RGS21: variants seen among roughly 807,000 people sequenced by gnomAD.
The protein encoded by RGS21 is regulator of G-protein signalling 21.
In RGS21, 19 loss-of-function variants were observed where a neutral mutation model predicts 18.7. That is an observed-to-expected ratio of 1.01 (90% CI 0.71 to 1.49). The LOEUF (loss-of-function observed/expected upper bound fraction) is 1.49. Ranked by LOEUF, RGS21 falls within the 40% of genes most tolerant of loss-of-function variation. The pLI is 0.00. For synonymous variants in RGS21, 56 were observed against 57.8 expected (o/e 0.97, Z 0.14); for missense variants, 194 against 176.8 (o/e 1.10, Z -0.55).
intron 1 of RGS21, among the ~76,000 whole-genome samples, chr1:192,331,074 T>A (rs1386936289): frequency 6.6e-6 from 1 of 152,182 alleles, no homozygotes; most frequent in Non-Finnish European, 1.5e-5. Flanking sequence ...ATGGCTCTAC[T>A]CAACTAGACT....
At position 192,356,128 on chromosome 1, in the gene RGS21, C is replaced by T. The variant is rs539345763; in HGVS notation, c.255+3915C>T. Among the ~76,000 whole-genome samples, 5 of 151,836 alleles carry T rather than the reference C, an allele frequency of 3.3e-5. No individual in the cohort carries two copies. In the East Asian group the frequency reaches 7.7e-4, roughly 23 times the overall value. Reference sequence around the variant, plus strand: ...ACAAAGAAGAAATTATAGTCATAAACGAGAGTACATCTTCACGGGTCCGTG... The same window carrying T: ...ACAAAGAAGAAATTATAGTCATAAATGAGAGTACATCTTCACGGGTCCGTG... On this transcript the variant is annotated intron_variant, in intron 4 of 4. Coordinates refer to ENST00000417209, the MANE Select transcript of RGS21 (RefSeq NM_001039152.3).
chr1:192,325,125 G>A (rs756194040), intron 1 of RGS21, among the ~76,000 whole-genome samples: 1 of 151,942 alleles, frequency 6.6e-6, no homozygotes. Flanking sequence ...CATCACTCAC[G>A]TAGTGAGCAT....
At chr1:192,340,172 A>G (rs1051580905) in intron 1 of RGS21, among the ~76,000 whole-genome samples, 1 of 152,090 alleles carries the variant, frequency 6.6e-6, no homozygotes, top group African/African-American at 2.4e-5. Flanking sequence ...TAAATCTCAT[A>G]TCTTTCCACA....
At chr1:192,318,559 A>G (rs1475504828) in intron 1 of RGS21, among the ~76,000 whole-genome samples, 1 of 152,020 alleles carries the variant, frequency 6.6e-6, no homozygotes, top group African/African-American at 2.4e-5. Flanking sequence ...GAACAGGGAG[A>G]ATGTCGTATC....
intron 4 of RGS21, 114 bp from the exon 5 acceptor site, chr1:192,365,807 T>A: frequency 1.7e-6 from 1 of 601,842 alleles, no homozygotes; most frequent in South Asian, 2.2e-5. Context: ...AACTTTCTGC[T>A]GTTTTGCATC....
At chr1:192,323,121 T>G (rs977621528) in intron 1 of RGS21, among the ~76,000 whole-genome samples, 1 of 152,098 alleles carries the variant, frequency 6.6e-6, no homozygotes, top group African/African-American at 2.4e-5. Context: ...ACACAAAGGA[T>G]GAGGAAGATG....
intron 1 of RGS21, among the ~76,000 whole-genome samples, chr1:192,332,687 A>G (rs1405655100): frequency 6.6e-6 from 1 of 152,226 alleles, no homozygotes; most frequent in Admixed American, 6.5e-5. Context: ...CTAGGAAGTA[A>G]TATTTGCAAG....
intron 1 of RGS21, among the ~76,000 whole-genome samples, chr1:192,331,894 A>G (rs1414188303): frequency 6.6e-6 from 1 of 152,048 alleles, no homozygotes; most frequent in Non-Finnish European, 1.5e-5. Flanking sequence ...CATTGCATAT[A>G]TCCACAACAA....
chr1:192,319,572 G>T (rs2102219722), intron 1 of RGS21, among the ~76,000 whole-genome samples: 1 of 151,984 alleles, frequency 6.6e-6, no homozygotes, highest in East Asian at 1.9e-4. Flanking sequence ...TACATTCATT[G>T]AAATGAGACA....
chr1:192,335,106 G>T (rs897801509), intron 1 of RGS21, among the ~76,000 whole-genome samples: 1 of 152,092 alleles, frequency 6.6e-6, no homozygotes, highest in Non-Finnish European at 1.5e-5. Flanking sequence ...CATTTCATGG[G>T]TCATCAGGAT....
At chr1:192,337,422 T>C (rs11802527) in intron 1 of RGS21, among the ~76,000 whole-genome samples, 51,286 of 151,788 alleles carry the variant, frequency 0.34, 9,985 homozygotes, top group African/African-American at 0.53. Context: ...ATAAAAAATA[T>C]TGTGTACATA....
intron 4 of RGS21, among the ~76,000 whole-genome samples, chr1:192,355,953 G>T (rs1188062524): frequency 6.6e-6 from 1 of 151,298 alleles, no homozygotes; most frequent in Non-Finnish European, 1.5e-5. Context: ...ATCATATCAT[G>T]GTGTAACATT....
chr1:192,348,009 C>CATATATAT (rs147266394), intron 3 of RGS21, among the ~76,000 whole-genome samples: 1,714 of 146,958 alleles, frequency 0.012, 21 homozygotes, highest in African/African-American at 0.017. Context: ...CATACACATA[C>CATATATAT]ATATATATAT....
chr1:192,361,382 G>A (rs1659185680), intron 4 of RGS21, among the ~76,000 whole-genome samples: 1 of 152,028 alleles, frequency 6.6e-6, no homozygotes, highest in South Asian at 2.1e-4. Flanking sequence ...TAAAAAATTA[G>A]TAAAAGAAAT....
At chr1:192,364,374 G>T (rs1379950976) in intron 4 of RGS21, among the ~76,000 whole-genome samples, 1 of 152,106 alleles carries the variant, frequency 6.6e-6, no homozygotes, top group Non-Finnish European at 1.5e-5. Flanking sequence ...GTGGCCTTTT[G>T]ATGATTCTTT....
intron 4 of RGS21, among the ~76,000 whole-genome samples, chr1:192,356,300 A>G (rs1488103658): frequency 6.6e-6 from 1 of 151,812 alleles, no homozygotes; most frequent in African/African-American, 2.4e-5. Flanking sequence ...AAATCCCTCC[A>G]TGGAAGAGCA....
At chr1:192,365,571 G>A (rs1571466289) in intron 4 of RGS21, among the ~76,000 whole-genome samples, 3 of 152,136 alleles carry the variant, frequency 2.0e-5, no homozygotes, top group East Asian at 3.9e-4. Flanking sequence ...TTCTGCCTAG[G>A]AAAATTACAT....
At chr1:192,354,409 G>C (rs952737998) in intron 4 of RGS21, among the ~76,000 whole-genome samples, 1 of 151,684 alleles carries the variant, frequency 6.6e-6, no homozygotes, top group Non-Finnish European at 1.5e-5. Flanking sequence ...CCAGCACTGA[G>C]AGCACCATTG....
chr1:192,324,865 T>A (rs1658545988), intron 1 of RGS21, among the ~76,000 whole-genome samples: 1 of 152,030 alleles, frequency 6.6e-6, no homozygotes, highest in Admixed American at 6.6e-5. Context: ...AACATGGTAA[T>A]CATTCAGAAG....
Sources: gnomAD v4.1 joint callset for allele counts (sites outside exome capture counted in the v4.1 genomes callset) on GRCh38, gnomAD v4.1.1 for gene constraint, MANE v1.5 for transcripts, NCBI Gene and HGNC (gene_info 2026-07-23, HGNC 2026-07-21) for gene names.